LRRC4C: variants seen among roughly 807,000 people sequenced by gnomAD.
LRRC4C encodes leucine-rich repeat-containing protein 4C.
Under a neutral mutation model 33.6 loss-of-function variants are expected in LRRC4C, and 5 were observed. The ratio of observed to expected loss-of-function variants is 0.15; its 90% CI spans 0.08 to 0.31. The LOEUF (loss-of-function observed/expected upper bound fraction) is 0.31, where lower values mean the gene tolerates loss of function less well. Among genes scored for constraint, LRRC4C ranks in the 10% least tolerant of loss-of-function variants. LRRC4C has a pLI of 1.00. For synonymous variants in LRRC4C, 329 were observed against 302.0 expected (o/e 1.09, Z -0.93); for missense variants, 560 against 796.7 (o/e 0.70, Z 3.58).
chr11:40,921,047 A>G lies in LRRC4C; in HGVS notation c.-407+12588T>C. Among the ~76,000 whole-genome samples the G allele has an allele frequency of 1.3e-5, 2 of 151,860 alleles. 1 individual carries two copies. The stretch of plus-strand genomic sequence containing the variant: ...CGGATCCTTGCACCTTAGCTTCCCA[A>G]ATTGCTAGGACTAAAGGCATGCACC... On this transcript the variant is annotated intron_variant, in intron 2 of 6. Transcript: ENST00000528697.
At chr11:41,152,173 G>A (rs965986900) in intron 1 of LRRC4C, among the ~76,000 whole-genome samples, 2 of 152,190 alleles carry the variant, frequency 1.3e-5, no homozygotes, top group African/African-American at 2.4e-5. Flanking sequence ...AGCTCCCAGG[G>A]ACGGCACCAG....
chr11:41,195,565 A>G (rs552089643), intron 1 of LRRC4C, among the ~76,000 whole-genome samples: 1 of 152,082 alleles, frequency 6.6e-6, no homozygotes, highest in African/African-American at 2.4e-5. Flanking sequence ...CCAAATTATA[A>G]AGCACATACA....
At chr11:40,953,151 A>G (rs1958792355) in intron 1 of LRRC4C, among the ~76,000 whole-genome samples, 1 of 151,994 alleles carries the variant, frequency 6.6e-6, no homozygotes, top group South Asian at 2.1e-4. Flanking sequence ...TACTACTTTC[A>G]TAACACTGTT....
At chr11:40,848,230 T>C (rs912445561) in intron 2 of LRRC4C, among the ~76,000 whole-genome samples, 1 of 152,164 alleles carries the variant, frequency 6.6e-6, no homozygotes, top group Admixed American at 6.5e-5. Context: ...GTTCGTTTAA[T>C]TGTGATGTTA....
intron 2 of LRRC4C, among the ~76,000 whole-genome samples, chr11:40,908,192 A>G (rs548444441): frequency 6.6e-6 from 1 of 152,304 alleles, no homozygotes; most frequent in South Asian, 2.1e-4. Flanking sequence ...GGAAGATAAC[A>G]TAAATTGTGA....
chr11:40,760,085 G>C (rs1949134187), intron 2 of LRRC4C, among the ~76,000 whole-genome samples: 1 of 151,740 alleles, frequency 6.6e-6, no homozygotes, highest in Non-Finnish European at 1.5e-5. Flanking sequence ...AAAATAATTT[G>C]TGATGCAGTA....
chr11:40,749,590 C>A, intron 2 of LRRC4C, among the ~76,000 whole-genome samples: 1 of 148,386 alleles, frequency 6.7e-6, no homozygotes, highest in African/African-American at 2.5e-5. Context: ...TAAACCAAAG[C>A]CAAAATTAGC....
intron 1 of LRRC4C, among the ~76,000 whole-genome samples, chr11:41,403,449 C>A (rs1279320984): frequency 6.6e-6 from 1 of 152,004 alleles, no homozygotes; most frequent in Non-Finnish European, 1.5e-5. Flanking sequence ...TCTATAGCCA[C>A]ACAAAATTCA....
chr11:40,184,660 G>A (rs559580534), intron 5 of LRRC4C, among the ~76,000 whole-genome samples: 5 of 152,212 alleles, frequency 3.3e-5, no homozygotes, highest in South Asian at 2.1e-4. Context: ...AGTCAATCTC[G>A]GCTGCTGTCA....
intron 3 of LRRC4C, among the ~76,000 whole-genome samples, chr11:40,537,439 G>T (rs577162550): frequency 4.6e-5 from 7 of 152,268 alleles, no homozygotes; most frequent in African/African-American, 1.7e-4. Flanking sequence ...GGCCACAATT[G>T]TCACTTCCCC....
At chr11:40,733,717 G>C (rs142483245) in intron 2 of LRRC4C, among the ~76,000 whole-genome samples, 1 of 152,094 alleles carries the variant, frequency 6.6e-6, no homozygotes, top group Admixed American at 6.6e-5. Context: ...ATGTAGTAGC[G>C]ACCTTTTAAA....
chr11:40,824,697 GC>G lies in LRRC4C; in HGVS notation c.-407+108937del, dbSNP rs541186426. 4.9e-3 allele frequency among the ~76,000 whole-genome samples: 742 copies of G among 152,012 alleles called. 9 individuals are homozygous for G. Among genetic ancestry groups the G allele is most frequent in the Non-Finnish European group, 7.9e-3 (536 of 67,920 alleles). On this transcript the variant is annotated intron_variant, in intron 2 of 6. Transcript: ENST00000528697. ...TCTAAGCGGGCCTGCAAGTCAAAGTGCTACATTATTAGAAATGTCAACGTGT... is the reference window on the plus strand; with the variant it reads ...TCTAAGCGGGCCTGCAAGTCAAAGTGTACATTATTAGAAATGTCAACGTGT...
intron 1 of LRRC4C, among the ~76,000 whole-genome samples, chr11:41,061,690 C>A (rs1456400608): frequency 6.6e-6 from 1 of 152,152 alleles, no homozygotes; most frequent in South Asian, 2.1e-4. Context: ...TAAAGAAATG[C>A]AACATGGCAC....
intron 2 of LRRC4C, among the ~76,000 whole-genome samples, chr11:40,792,495 T>G (rs1181404691): frequency 6.6e-6 from 1 of 152,178 alleles, no homozygotes; most frequent in African/African-American, 2.4e-5. Flanking sequence ...CAACAGGTGT[T>G]GGAGAGGATG....
In LRRC4C at chr11:40,764,161, A is replaced by C. The variant is rs562400182; in HGVS notation, c.-406-115883T>G. Among the ~76,000 whole-genome samples, 8 of 152,138 alleles carry C rather than the reference A, an allele frequency of 5.3e-5. No homozygotes were observed. In the South Asian group the frequency reaches 1.7e-3, roughly 32 times the overall value. Reference sequence around the variant, plus strand: ...TAAGGCACTGCGCTGAGTCCTGAGGATATCATTCCAGGCCCTAGCTCCTGA... The same window carrying C: ...TAAGGCACTGCGCTGAGTCCTGAGGCTATCATTCCAGGCCCTAGCTCCTGA... On this transcript the variant is annotated intron_variant, in intron 2 of 6. Coordinates refer to ENST00000528697, the MANE Select transcript of LRRC4C (RefSeq NM_001258419.2).
chr11:40,629,021 A>G (rs1448609204), intron 3 of LRRC4C, among the ~76,000 whole-genome samples: 1 of 152,190 alleles, frequency 6.6e-6, no homozygotes, highest in Non-Finnish European at 1.5e-5. Flanking sequence ...AATATAAACA[A>G]AAAAACAAAA....
intron 1 of LRRC4C, among the ~76,000 whole-genome samples, chr11:40,966,717 T>A (rs776147416): frequency 2.0e-5 from 3 of 151,958 alleles, no homozygotes; most frequent in Non-Finnish European, 4.4e-5. Context: ...TTCTCTTCAT[T>A]GATGTTGTCC....
intron 3 of LRRC4C, among the ~76,000 whole-genome samples, chr11:40,333,514 C>T (rs1053576248): frequency 4.0e-5 from 6 of 151,662 alleles, no homozygotes; most frequent in African/African-American, 1.5e-4. Flanking sequence ...GTCAGGAGTT[C>T]GAGACCAGCA....
rs144772829 is a variant in LRRC4C, at chr11:40,824,218, A to T, written c.-407+109417T>A. On this transcript the variant is annotated intron_variant, in intron 2 of 6. Coordinates refer to ENST00000528697, the MANE Select transcript of LRRC4C (RefSeq NM_001258419.2). ...AATATCTTAAAACCAGATGGTGGTA[A>T]TGATTGTACAATTTCATACATTTAG... 3.4e-3 allele frequency among the ~76,000 whole-genome samples: 510 copies of T among 151,992 alleles called. 5 individuals are homozygous for T. The highest frequency in any genetic ancestry group is 0.012 in the African/African-American group (490 of 41,494).
Sources: gnomAD v4.1 joint callset for allele counts (sites outside exome capture counted in the v4.1 genomes callset) on GRCh38, gnomAD v4.1.1 for gene constraint, MANE v1.5 for transcripts, NCBI Gene and HGNC (gene_info 2026-07-23, HGNC 2026-07-21) for gene names.